The following ALG10 variants were observed in gnomAD, a reference collection of about 807,000 sequenced individuals.
ALG10 encodes ALG10 alpha-1,2-glucosyltransferase, also known as dol-P-Glc:Glc(2)Man(9)GlcNAc(2)-PP-Dol alpha-1,2-glucosyltransferase A.
Under a neutral mutation model 39.2 loss-of-function variants are expected in ALG10, and 25 were observed. The observed-to-expected ratio is 0.64, with a 90% CI of 0.46 to 0.89. ALG10 has a LOEUF of 0.89. Among genes scored for constraint, ALG10 ranks in the 40% least tolerant of loss-of-function variants. ALG10 has a pLI of 0.00. For missense variants in ALG10, 486 were observed against 546.6 expected, an observed-to-expected ratio of 0.89 and a Z score of 1.11; for synonymous variants, 184 against 193.9, an observed-to-expected ratio of 0.95 and a Z score of 0.42.
In ALG10 at chr12:34,026,989, G is replaced by A. The variant is rs1241567026; in HGVS notation, c.*74G>A. On this transcript the variant is annotated 3_prime_UTR_variant, in exon 3 of 3. Coordinates refer to ENST00000266483, the MANE Select transcript of ALG10 (RefSeq NM_032834.4). ...TTCTACAAAGAACAACTGAATAGGT[G>A]GAAAACATGGAATTTCTTTTAGGTG... 1.6e-5 allele frequency: 24 copies of A among 1,491,728 alleles called. No homozygotes were observed. The South Asian group carries it at 2.6e-4, about 16-fold the overall frequency. 92.4% of individuals were successfully genotyped at this position (1,491,728 alleles called of 1,614,324 possible). A position where few individuals can be genotyped will look rare whatever the true frequency, so the allele number is the denominator to read the frequency against.
chr12:34,023,825 G>A, intron 1 of ALG10, 137 bp from the exon 2 acceptor site: 1 of 1,200,932 alleles, frequency 8.3e-7, no homozygotes, highest in African/African-American at 1.5e-5. Flanking sequence ...TTCTGCCAAG[G>A]ACTTACTTAA....
chr12:34,024,341 A>G (rs940215276), intron 2 of ALG10, among the ~76,000 whole-genome samples, 182 bp downstream of exon 2: 2 of 152,258 alleles, frequency 1.3e-5, no homozygotes, highest in Non-Finnish European at 1.5e-5. Context: ...GTATTTAAAT[A>G]CTTGAATAAC....
rs1388794086 is a variant in ALG10, at chr12:34,026,446, T to A, written c.953T>A (p.Leu318Ter). 2 of 1,613,946 alleles carry A rather than the reference T, an allele frequency of 1.2e-6. No individual in the cohort carries two copies. The highest frequency in any genetic ancestry group is 3.3e-5 in the Admixed American group (2 of 59,982). Residue 318 changes from leucine (L) to a stop codon, truncating the protein, a stop_gained, in exon 3 of 3, where the codon TTA (leucine) becomes TAA (stop). Coordinates refer to ENST00000266483, the MANE Select transcript of ALG10 (RefSeq NM_032834.4). LOFTEE classifies it high-confidence loss of function. ...AGCAAAATTAAGACTTTTCTTTCCTTAGTTTGGAAACGTAGAATTCTGTTT... is the reference window on the plus strand; with the variant it reads ...AGCAAAATTAAGACTTTTCTTTCCTAAGTTTGGAAACGTAGAATTCTGTTT... ...SPSKIKTFLSLVWKRRILFFV... is the reference protein window; with the variant it reads ...SPSKIKTFLS
rs1942830834 is a variant in ALG10 at position 34,026,198 on chromosome 12, G to T, written c.705G>T (p.Gln235His). Residue 235 changes from glutamine to histidine, a missense_variant, in exon 3 of 3, where the codon CAG becomes CAT. Transcript: ENST00000266483. ...TTGCAGAATTCAGAAAAATTCTTCAGTTTCTTTTGGCTTATTCCATGTCCT... is the reference window on the plus strand; with the variant it reads ...TTGCAGAATTCAGAAAAATTCTTCATTTTCTTTTGGCTTATTCCATGTCCT... Reference protein sequence around the residue: ...GPFAEFRKILQFLLAYSMSFK... With the variant: ...GPFAEFRKILHFLLAYSMSFK... 6.2e-7 allele frequency: 1 copy of T among 1,613,942 alleles called. No individual in the cohort carries two copies.
upstream of ALG10, chr12:34,022,460 C>G (rs1591868745): frequency 7.3e-7 from 1 of 1,370,582 alleles, no homozygotes; most frequent in Non-Finnish European, 1.0e-6. Flanking sequence ...GCTCTCCCAG[C>G]ATCCTTTGCC....
rs746430860 is a variant in ALG10, at chr12:34,026,068, G to A, written c.575G>A (p.Trp192Ter). Residue 192 changes from tryptophan to a stop codon, truncating the protein, a stop_gained, in exon 3 of 3, where the codon TGG (tryptophan) becomes TAG (stop). Transcript: ENST00000266483. LOFTEE classifies it high-confidence loss of function. ...ATGTTTCGGCAAACAAATATCATCT[G>A]GGCTGTCTTCTGTGCAGGAAATGTC... ...GFMFRQTNII[W>*]AVFCAGNVIA... 1 of 1,614,014 alleles carries A rather than the reference G, an allele frequency of 6.2e-7. No individual in the cohort carries two copies. Among genetic ancestry groups the A allele is most frequent in the Non-Finnish European group, 8.5e-7 (1 of 1,179,954 alleles).
In ALG10 at chr12:34,028,022, G is replaced by A. The variant is rs1942854916; in HGVS notation, c.*1107G>A. On this transcript the variant is annotated 3_prime_UTR_variant, in exon 3 of 3. Coordinates refer to ENST00000266483, the MANE Select transcript of ALG10 (RefSeq NM_032834.4). ...ACCCTGATCTAGGGTGATTGTGTCT[G>A]GAGACCCTTAATTATGTTTACAAAG... 6.6e-6 allele frequency: 1 copy of A among 152,010 alleles called. No individual in the cohort carries two copies. 9.4% of individuals were successfully genotyped at this position (152,010 alleles called of 1,614,324 possible). A position where few individuals can be genotyped will look rare whatever the true frequency, so the allele number is the denominator to read the frequency against.
At chr12:34,024,261 G>A (rs556348316) in intron 2 of ALG10, 102 bp downstream of exon 2, 2 of 1,377,076 alleles carry the variant, frequency 1.5e-6, no homozygotes, top group Admixed American at 1.8e-5. Flanking sequence ...TTAACACTTT[G>A]TAACTTTGTA....
At position 34,026,332 on chromosome 12, in the gene ALG10, G is replaced by C; in HGVS notation, c.839G>C (p.Ser280Thr). The C allele has an allele frequency of 6.2e-7, 1 of 1,613,998 alleles. No homozygotes were observed. Among genetic ancestry groups the C allele is most frequent in the East Asian group, 2.2e-5 (1 of 44,872 alleles). ...VNGGIVIGDRSSHEACLHFPQ... is the reference protein window; with the variant it reads ...VNGGIVIGDRTSHEACLHFPQ... ...GGTGGAATTGTTATTGGCGATCGGA[G>C]TAGTCATGAAGCCTGTCTTCATTTT... The change falls in exon 3 of 3, where the codon AGT becomes ACT. Residue 280 changes from serine (S) to threonine (T), a missense_variant. Physicochemically the swap from Ser to Thr is moderately conservative, Grantham distance 58. Transcript: ENST00000266483.
rs1193671122 is a variant in ALG10, at chr12:34,028,279, A to G, written c.*1364A>G. 2 of 152,212 alleles carry G rather than the reference A, an allele frequency of 1.3e-5. No individual in the cohort carries two copies. The highest frequency in any genetic ancestry group is 2.9e-5 in the Non-Finnish European group (2 of 68,044). 9.4% of individuals were successfully genotyped at this position (152,212 alleles called of 1,614,324 possible). A position where few individuals can be genotyped will look rare whatever the true frequency, so the allele number is the denominator to read the frequency against. On this transcript the variant is annotated 3_prime_UTR_variant, in exon 3 of 3. Transcript: ENST00000266483. The stretch of plus-strand genomic sequence containing the variant: ...TTGAATATAATGTGGGATTAAATAA[A>G]GCTAATCTATCCATCACCTCAAATA...
Position 34,026,300 on chromosome 12 carries a change from A to C in ALG10, c.807A>C (p.Val269=), listed in dbSNP as rs778186003. The C allele has an allele frequency of 1.9e-6, 3 of 1,613,962 alleles. No homozygotes were observed. Among genetic ancestry groups the C allele is most frequent in the Non-Finnish European group, 1.7e-6 (2 of 1,179,988 alleles). ...LLGFLFCAFV[V]VNGGIVIGDR... is the part of the protein sequence containing the mutation. ...GATTTCTGTTTTGTGCTTTTGTAGTAGTTAATGGTGGAATTGTTATTGGCG... is the reference window on the plus strand; with the variant it reads ...GATTTCTGTTTTGTGCTTTTGTAGTCGTTAATGGTGGAATTGTTATTGGCG... The change falls in exon 3 of 3, where the codon GTA becomes GTC. Residue 269 remains valine, a synonymous_variant. Coordinates refer to ENST00000266483, the MANE Select transcript of ALG10 (RefSeq NM_032834.4).
chr12:34,025,737 G>T, intron 2 of ALG10, 126 bp from the exon 3 acceptor site: 1 of 1,181,586 alleles, frequency 8.5e-7, no homozygotes, highest in Non-Finnish European at 1.2e-6. Context: ...GATTAATATT[G>T]ATTAATTTTA....
Position 34,027,167 on chromosome 12 carries a change from C to G in ALG10, c.*252C>G. 1 of 321,584 alleles carries G rather than the reference C, an allele frequency of 3.1e-6. No individual in the cohort carries two copies. Among genetic ancestry groups the G allele is most frequent in the South Asian group, 7.5e-5 (1 of 13,380 alleles). 19.9% of individuals were successfully genotyped at this position (321,584 alleles called of 1,614,324 possible). ...TTGTTTTCAGATATCTCATATCACT[C>G]TCATAATGTTGGCCCCTTAAAAAGC... On this transcript the variant is annotated 3_prime_UTR_variant, in exon 3 of 3. Coordinates refer to ENST00000266483, the MANE Select transcript of ALG10 (RefSeq NM_032834.4).
Position 34,024,012 on chromosome 12 carries a change from A to G in ALG10, c.222A>G (p.Gly74=), listed in dbSNP as rs758232119. 7.4e-6 allele frequency: 12 copies of G among 1,614,110 alleles called. No individual in the cohort carries two copies. Among genetic ancestry groups the G allele is most frequent in the Non-Finnish European group, 1.0e-5 (12 of 1,180,014 alleles). ...CTGGCTTGTACCTGGTGTCAATTGGAGTGATCAAACCTGCCATTTGGATCT... is the reference window on the plus strand; with the variant it reads ...CTGGCTTGTACCTGGTGTCAATTGGGGTGATCAAACCTGCCATTTGGATCT... The part of the protein sequence containing the change: ...TLPGLYLVSI[G]VIKPAIWIFG... The change falls in exon 2 of 3, where the codon GGA becomes GGG. Residue 74 remains glycine, a synonymous_variant. Transcript: ENST00000266483.
rs1047900683 is a variant in ALG10 at position 34,028,242 on chromosome 12, G to A, written c.*1327G>A. The A allele has an allele frequency of 6.6e-6, 1 of 151,980 alleles. No homozygotes were observed. Among genetic ancestry groups the A allele is most frequent in the Non-Finnish European group, 1.5e-5 (1 of 67,996 alleles). 9.4% of individuals were successfully genotyped at this position (151,980 alleles called of 1,614,324 possible). On this transcript the variant is annotated 3_prime_UTR_variant, in exon 3 of 3. Coordinates refer to ENST00000266483, the MANE Select transcript of ALG10 (RefSeq NM_032834.4). The stretch of plus-strand genomic sequence containing the variant: ...GTATATACTTATGAGAAACAAAGTG[G>A]CATTATGATTTTTGAATATAATGTG...
chr12:34,023,101 T>G, intron 1 of ALG10: 1 of 276,382 alleles, frequency 3.6e-6, no homozygotes, highest in Non-Finnish European at 6.8e-6. Flanking sequence ...TCCTTGGAAA[T>G]ACCAGAAAAC....
upstream of ALG10, chr12:34,022,462 T>G: frequency 1.4e-6 from 2 of 1,387,690 alleles, no homozygotes; most frequent in Non-Finnish European, 2.0e-6. Flanking sequence ...TCTCCCAGCA[T>G]CCTTTGCCTT....
Position 34,027,055 on chromosome 12 carries a change from A to G in ALG10, c.*140A>G. ...AATTACATTAGTTTTTTTTATATAT[A>G]TTTTAAACATATGTAAGAAATTAAG... On this transcript the variant is annotated 3_prime_UTR_variant, in exon 3 of 3. Transcript: ENST00000266483. The G allele has an allele frequency of 1.2e-6, 1 of 866,916 alleles. No individual in the cohort carries two copies. The highest frequency in any genetic ancestry group is 1.7e-6 in the Non-Finnish European group (1 of 603,930). The allele number at this position is 866,916 out of a possible 1,614,324, so 53.7% of individuals were successfully genotyped here. A position where few individuals can be genotyped will look rare whatever the true frequency, so the allele number is the denominator to read the frequency against.
chr12:34,026,621 C>G lies in ALG10; in HGVS notation c.1128C>G (p.Ala376=), dbSNP rs1942836044. ...YETVKYLLVP[A]YIFAGWSIAD... ...CTGTAAAATATTTGTTAGTTCCAGC[C>G]TATATATTTGCTGGTTGGAGTATAG... Residue 376 remains alanine (A), a synonymous_variant, in exon 3 of 3, where the codon GCC becomes GCG. Coordinates refer to ENST00000266483, the MANE Select transcript of ALG10 (RefSeq NM_032834.4). 3 of 1,613,698 alleles carry G rather than the reference C, an allele frequency of 1.9e-6. No homozygotes were observed. The highest frequency in any genetic ancestry group is 3.3e-5 in the Admixed American group (2 of 59,970).
Sources: gnomAD v4.1 joint callset for allele counts (sites outside exome capture counted in the v4.1 genomes callset) on GRCh38, gnomAD v4.1.1 for gene constraint, MANE v1.5 for transcripts, NCBI Gene and HGNC (gene_info 2026-07-23, HGNC 2026-07-21) for gene names.